The following CORO2B variants were observed in gnomAD, a reference collection of about 807,000 sequenced individuals.
CORO2B encodes coronin 2B.
In CORO2B, 26 loss-of-function variants were observed where a neutral mutation model predicts 58.8. The observed-to-expected ratio is 0.44, with a 90% CI of 0.32 to 0.61. The LOEUF is 0.61. Ranked by LOEUF, CORO2B falls within the 20% of genes least tolerant of loss-of-function variation. CORO2B has a pLI of 0.04. For missense variants in CORO2B, 460 were observed against 645.1 expected, an observed-to-expected ratio of 0.71 and a Z score of 3.11; for synonymous variants, 242 against 253.8, an observed-to-expected ratio of 0.95 and a Z score of 0.44.
rs1479000634 is a variant in CORO2B at position 68,579,295 on chromosome 15, G to A, written c.15+18G>A. The A allele has an allele frequency of 7.0e-6, 9 of 1,285,700 alleles. No individual in the cohort carries two copies. Among genetic ancestry groups the A allele is most frequent in the Admixed American group, 3.2e-5 (1 of 31,090 alleles). The allele number at this position is 1,285,700 out of a possible 1,614,324, so 79.6% of individuals were successfully genotyped here. A position where few individuals can be genotyped will look rare whatever the true frequency, so the allele number is the denominator to read the frequency against. The stretch of plus-strand genomic sequence containing the variant: ...TCACAAAGGTAAGCGCCGCTCGCCC[G>A]CCGCGCCCGGGACCCGCCGGCGCCT... On this transcript the variant is annotated intron_variant, in intron 1 of 11. Coordinates refer to ENST00000261861, the MANE Select transcript of CORO2B (RefSeq NM_006091.5).
intron 1 of CORO2B, among the ~76,000 whole-genome samples, chr15:68,615,043 G>A (rs546227486): frequency 6.6e-6 from 1 of 152,348 alleles, no homozygotes; most frequent in Non-Finnish European, 1.5e-5. Context: ...GCTTCTCAAT[G>A]CTGCCTCTGA....
chr15:68,724,568 CT>C (rs1893247314), intron 11 of CORO2B, among the ~76,000 whole-genome samples: 1 of 152,142 alleles, frequency 6.6e-6, no homozygotes. Context: ...ATTCTCCAGT[CT>C]TTTAGGGCTA....
Position 68,579,262 on chromosome 15 carries a change from C to T in CORO2B, c.-1C>T. 7.9e-7 allele frequency: 1 copy of T among 1,265,658 alleles called. No homozygotes were observed. The highest frequency in any genetic ancestry group is 1.0e-6 in the Non-Finnish European group (1 of 1,000,262). The allele number at this position is 1,265,658 out of a possible 1,614,324, so 78.4% of individuals were successfully genotyped here. ...CCCCCGCTCCGCCGCGGAGTTTCTG[C>T]ATGACTGTCACAAAGGTAAGCGCCG... On this transcript the variant is annotated 5_prime_UTR_variant, in exon 1 of 12. Transcript: ENST00000261861.
At chr15:68,715,428 G>T in intron 8 of CORO2B, 117 bp downstream of exon 8, 1 of 717,488 alleles carries the variant, frequency 1.4e-6, no homozygotes, top group Non-Finnish European at 2.4e-6. Context: ...TAGCACATGG[G>T]CAAGTTGGAA....
chr15:68,572,972 C>A, the CORO2B span, among the ~76,000 whole-genome samples: 1 of 152,152 alleles, frequency 6.6e-6, no homozygotes, highest in Non-Finnish European at 1.5e-5. Context: ...CACATGCACA[C>A]ACATGCACAG....
At chr15:68,601,258 T>C (rs1221332534) in intron 1 of CORO2B, among the ~76,000 whole-genome samples, 2 of 152,126 alleles carry the variant, frequency 1.3e-5, no homozygotes, top group Non-Finnish European at 2.9e-5. Flanking sequence ...CCCTGGGATG[T>C]AGAGATGGTT....
At chr15:68,578,951 T>A, upstream of CORO2B, 624 of 535,122 alleles carry the variant, frequency 1.2e-3, no homozygotes, top group Middle Eastern at 1.9e-3. This position sits in a 1 kb window ranked among gnomAD's most constrained non-coding sequence, Gnocchi z 4.2. Context: ...CCCCTCTTCC[T>A]CCCCCCGCCC....
chr15:68,531,615 G>T, the CORO2B span, among the ~76,000 whole-genome samples: 1 of 144,254 alleles, frequency 6.9e-6, no homozygotes, highest in African/African-American at 2.5e-5. Flanking sequence ...GGAAGGGAAG[G>T]AGAGAGAGAG....
intron 8 of CORO2B, among the ~76,000 whole-genome samples, chr15:68,717,655 A>G (rs927103051): frequency 2.0e-5 from 3 of 147,504 alleles, no homozygotes; most frequent in Non-Finnish European, 4.5e-5. Flanking sequence ...AAGTTAAGCA[A>G]CTCACCTGAG....
intron 8 of CORO2B, among the ~76,000 whole-genome samples, chr15:68,716,672 G>T (rs1449693613): frequency 6.6e-6 from 1 of 152,210 alleles, no homozygotes; most frequent in Non-Finnish European, 1.5e-5. Context: ...TCTCTGTGAT[G>T]ATGGTATTTT....
intron 1 of CORO2B, among the ~76,000 whole-genome samples, chr15:68,638,675 G>A (rs1377983984): frequency 6.6e-6 from 1 of 152,234 alleles, no homozygotes; most frequent in Non-Finnish European, 1.5e-5. Context: ...CTAAGAGTCA[G>A]AAGTTCTTGG....
intron 2 of CORO2B, among the ~76,000 whole-genome samples, chr15:68,670,410 G>A (rs1236298574): frequency 8.4e-6 from 1 of 119,038 alleles, no homozygotes; most frequent in African/African-American, 5.0e-5. Flanking sequence ...GAAATCCTGG[G>A]CTCAAGTGAT....
intron 1 of CORO2B, chr15:68,641,560 C>CCG (rs1318995408): frequency 1.0e-6 from 1 of 985,198 alleles, no homozygotes; most frequent in African/African-American, 1.7e-5. Context: ...AAACTGCGGG[C>CCG]CGCTGAGCGC....
At chr15:68,608,686 C>T (rs1191385959) in intron 1 of CORO2B, among the ~76,000 whole-genome samples, 1 of 152,198 alleles carries the variant, frequency 6.6e-6, no homozygotes, top group East Asian at 1.9e-4. Flanking sequence ...TCCCCATGAA[C>T]AAGCATTCCT....
At chr15:68,652,005 T>C (rs1253874879) in intron 2 of CORO2B, among the ~76,000 whole-genome samples, 2 of 152,248 alleles carry the variant, frequency 1.3e-5, no homozygotes, top group Non-Finnish European at 2.9e-5. Context: ...CTATGTTCAT[T>C]GATCCTCTCA....
At chr15:68,614,176 A>C (rs1265956826) in intron 1 of CORO2B, among the ~76,000 whole-genome samples, 1 of 152,192 alleles carries the variant, frequency 6.6e-6, no homozygotes, top group Non-Finnish European at 1.5e-5. Flanking sequence ...GAACCTGTGA[A>C]CACATCTTAA....
intron 1 of CORO2B, among the ~76,000 whole-genome samples, chr15:68,624,645 C>T (rs1294814677): frequency 2.0e-5 from 3 of 151,702 alleles, no homozygotes; most frequent in Non-Finnish European, 4.4e-5. Context: ...TTATAATTCA[C>T]TAGATCTGGG....
At chr15:68,539,005 A>G in the CORO2B span, among the ~76,000 whole-genome samples, 2 of 152,248 alleles carry the variant, frequency 1.3e-5, no homozygotes, top group Non-Finnish European at 2.9e-5. Context: ...ACACTTTTAC[A>G]TCTCAGTTTT....
chr15:68,626,285 G>A (rs1900680334), intron 1 of CORO2B, among the ~76,000 whole-genome samples: 2 of 152,142 alleles, frequency 1.3e-5, no homozygotes, highest in Non-Finnish European at 2.9e-5. Context: ...GGGCTACAGT[G>A]GGAATGTGGG....
Sources: gnomAD v4.1 joint callset for allele counts (sites outside exome capture counted in the v4.1 genomes callset) on GRCh38, gnomAD v4.1.1 for gene constraint, Gnocchi (gnomAD v3.1) non-coding constraint, MANE v1.5 for transcripts, NCBI Gene and HGNC (gene_info 2026-07-23, HGNC 2026-07-21) for gene names.